GMCL1: variants seen among roughly 807,000 people sequenced by gnomAD.
The protein encoded by GMCL1 is germ cell-less 1, spermatogenesis associated, also known as germ cell-less protein-like 1.
In GMCL1, 54 loss-of-function variants were observed where a neutral mutation model predicts 75.5. The ratio of observed to expected loss-of-function variants is 0.71; its 90% confidence interval spans 0.57 to 0.90. The LOEUF is 0.90. Among genes scored for constraint, GMCL1 ranks in the 40% least tolerant of loss-of-function variants. GMCL1 has a pLI of 0.00. For synonymous variants in GMCL1, 210 were observed against 209.6 expected (o/e 1.00, Z -0.02); for missense variants, 537 against 622.7 (o/e 0.86, Z 1.47).
rs1675252763 is a variant in GMCL1, at chr2:69,849,636, A to G, written c.844-16A>G. On this transcript the variant is annotated splice_polypyrimidine_tract_variant and intron_variant, in intron 7 of 13. Transcript: ENST00000282570. ...AATTTCATAATTGTTTTCTTATTTAATTTTTTTTAACTTAGTGGATGTTCC... is the reference window on the plus strand; with the variant it reads ...AATTTCATAATTGTTTTCTTATTTAGTTTTTTTTAACTTAGTGGATGTTCC... 6.9e-7 allele frequency: 1 copy of G among 1,446,144 alleles called. No individual in the cohort carries two copies. The highest frequency in any genetic ancestry group is 2.4e-5 in the East Asian group (1 of 41,814). 89.6% of individuals were successfully genotyped at this position (1,446,144 alleles called of 1,614,324 possible). A position where few individuals can be genotyped will look rare whatever the true frequency, so the allele number is the denominator to read the frequency against.
intron 11 of GMCL1, among the ~76,000 whole-genome samples, chr2:69,865,611 G>A (rs1487416265): frequency 6.6e-6 from 1 of 151,570 alleles, no homozygotes; most frequent in Non-Finnish European, 1.5e-5. Context: ...TCATGCCACT[G>A]CACTCCAGCC....
chr2:69,844,064 A>ATT (rs1307444318), intron 5 of GMCL1, 67 bp from the exon 6 acceptor site: 1 of 711,082 alleles, frequency 1.4e-6, no homozygotes, highest in Non-Finnish European at 2.2e-6. Flanking sequence ...TATTTTAACT[A>ATT]TAAGTCCTAC....
chr2:69,831,167 C>T (rs1368897273), intron 1 of GMCL1, among the ~76,000 whole-genome samples: 3 of 152,186 alleles, frequency 2.0e-5, no homozygotes, highest in Non-Finnish European at 4.4e-5. Flanking sequence ...GATCTGCTGG[C>T]CTCAGCCTCC....
intron 6 of GMCL1, chr2:69,844,895 T>C: frequency 3.0e-6 from 1 of 334,438 alleles, no homozygotes. Context: ...GAGAGAAGTC[T>C]GTGGCCATGT....
intron 9 of GMCL1, among the ~76,000 whole-genome samples, chr2:69,857,868 C>A (rs1278085957): frequency 2.6e-5 from 4 of 152,184 alleles, no homozygotes; most frequent in African/African-American, 9.7e-5. Flanking sequence ...CCTGAAGATA[C>A]ACTTTTCCCT....
intron 11 of GMCL1, among the ~76,000 whole-genome samples, chr2:69,866,335 CCCT>C (rs1424769319): frequency 6.6e-6 from 1 of 151,926 alleles, no homozygotes; most frequent in African/African-American, 2.4e-5. Context: ...AAATATTCCC[CCCT>C]AACTAATCAT....
chr2:69,863,484 G>T (rs1172051588), intron 10 of GMCL1, among the ~76,000 whole-genome samples: 1 of 151,942 alleles, frequency 6.6e-6, no homozygotes, highest in Non-Finnish European at 1.5e-5. Flanking sequence ...TTGCCAAGAG[G>T]GTTATCTTTC....
At chr2:69,848,933 T>G (rs1316990280) in intron 7 of GMCL1, among the ~76,000 whole-genome samples, 1 of 152,228 alleles carries the variant, frequency 6.6e-6, no homozygotes, top group African/African-American at 2.4e-5. Flanking sequence ...TCAGCAGCAG[T>G]AAGACAAAGA....
At chr2:69,868,865 C>CA (rs1183177650) in intron 11 of GMCL1, among the ~76,000 whole-genome samples, 2 of 151,138 alleles carry the variant, frequency 1.3e-5, no homozygotes, top group Non-Finnish European at 3.0e-5. Flanking sequence ...CCTGTAATCC[C>CA]AGCGCTTTGG....
chr2:69,849,477 T>C (rs952737626), intron 7 of GMCL1, among the ~76,000 whole-genome samples, 175 bp from the exon 8 acceptor site: 2 of 152,244 alleles, frequency 1.3e-5, no homozygotes, highest in East Asian at 3.8e-4. Context: ...TGGACTATGA[T>C]AATGCCATGA....
At position 69,871,757 on chromosome 2, in the gene GMCL1, T is replaced by G. The variant is rs267599430; in HGVS notation, c.1377T>G (p.Ala459=). The part of the protein sequence containing the change: ...RRSIAFRLRL[A]SFDSSGKLIC... Reference sequence around the variant, plus strand: ...TTTTTAATCCTAGATTACGTTTGGCTTCTTTTGATAGTAGTGGAAAACTAA... The same window carrying G: ...TTTTTAATCCTAGATTACGTTTGGCGTCTTTTGATAGTAGTGGAAAACTAA... The change falls in exon 13 of 14, where the codon GCT becomes GCG. Residue 459 remains alanine, a synonymous_variant. Coordinates refer to ENST00000282570, the MANE Select transcript of GMCL1 (RefSeq NM_178439.5). 1 of 1,557,576 alleles carries G rather than the reference T, an allele frequency of 6.4e-7. No homozygotes were observed. The highest frequency in any genetic ancestry group is 1.2e-5 in the South Asian group (1 of 83,328).
intron 2 of GMCL1, among the ~76,000 whole-genome samples, 183 bp downstream of exon 2, chr2:69,837,853 G>C (rs1674863185): frequency 6.6e-6 from 1 of 152,160 alleles, no homozygotes; most frequent in Non-Finnish European, 1.5e-5. Flanking sequence ...TCTAGAAAGA[G>C]ATTTTGATAT....
intron 11 of GMCL1, among the ~76,000 whole-genome samples, chr2:69,867,954 CTG>C (rs376614603): frequency 4.6e-5 from 7 of 152,362 alleles, no homozygotes; most frequent in African/African-American, 1.7e-4. Context: ...AAAAGAGAAT[CTG>C]TACATCATCT....
chr2:69,835,518 G>A (rs1674795409), intron 1 of GMCL1, among the ~76,000 whole-genome samples: 1 of 151,770 alleles, frequency 6.6e-6, no homozygotes, highest in East Asian at 2.0e-4. Flanking sequence ...AGTAACTGGT[G>A]TATGGTGTTT....
intron 7 of GMCL1, among the ~76,000 whole-genome samples, chr2:69,849,117 G>A (rs1231110318): frequency 1.3e-5 from 2 of 152,032 alleles, no homozygotes; most frequent in Non-Finnish European, 2.9e-5. Flanking sequence ...TACTTCTGAA[G>A]GATTGGCTTA....
chr2:69,869,745 C>G lies in GMCL1; in HGVS notation c.1245C>G (p.Asn415Lys), dbSNP rs1433211704. The change falls in exon 12 of 14, where the codon AAC (asparagine) becomes AAG (lysine). Residue 415 changes from asparagine to lysine, a missense_variant. By Grantham distance (94) the Asn-to-Lys change is moderately conservative (BLOSUM62 0). This residue lies in a region of GMCL1 where 345 missense variants were observed against 410.5 expected (regional missense o/e 0.84). Coordinates refer to ENST00000282570, the MANE Select transcript of GMCL1 (RefSeq NM_178439.5). ...ACTGCTGGCGTTGGACAGGTTTTAA[C>G]TTCGGCTTCGACCTACTTGTAACTT... ...GEYCWRWTGF[N>K]FGFDLLVTYT... 1 of 1,613,882 alleles carries G rather than the reference C, an allele frequency of 6.2e-7. No homozygotes were observed. Among genetic ancestry groups the G allele is most frequent in the Non-Finnish European group, 8.5e-7 (1 of 1,179,994 alleles).
chr2:69,861,417 G>C, intron 10 of GMCL1, 70 bp downstream of exon 10: 1 of 912,568 alleles, frequency 1.1e-6, no homozygotes, highest in South Asian at 1.6e-5. Flanking sequence ...CATTCATTAT[G>C]TTGAAAAATC....
intron 10 of GMCL1, 24 bp from the exon 11 acceptor site, chr2:69,864,876 T>C: frequency 6.8e-7 from 1 of 1,463,224 alleles, no homozygotes; most frequent in Admixed American, 1.7e-5. Context: ...TCTATGAACG[T>C]TCATATTTTA....
intron 1 of GMCL1, among the ~76,000 whole-genome samples, chr2:69,830,480 C>T (rs1273242155): frequency 6.6e-6 from 1 of 152,218 alleles, no homozygotes; most frequent in African/African-American, 2.4e-5. Context: ...TCCACCTTTG[C>T]CCTCTCAAGT....
Sources: allele counts gnomAD v4.1 joint callset (sites outside exome capture counted in the v4.1 genomes callset), GRCh38; gene constraint gnomAD v4.1.1; regional missense constraint gnomAD v4.1.1; transcripts MANE v1.5; gene names NCBI Gene and HGNC (gene_info 2026-07-23, HGNC 2026-07-21).